The following PIP5K1B variants were observed in gnomAD, a reference collection of about 807,000 sequenced individuals.
PIP5K1B encodes the protein phosphatidylinositol-4-phosphate 5-kinase type 1 beta.
A neutral mutation model predicts 67.0 loss-of-function variants in PIP5K1B; 42 were observed. That is an observed-to-expected ratio of 0.63 (90% CI 0.49 to 0.81). The LOEUF is 0.81. Among genes scored for constraint, PIP5K1B ranks in the 30% least tolerant of loss-of-function variants. PIP5K1B has a pLI of 0.00. For missense variants in PIP5K1B, 459 were observed against 646.3 expected (o/e 0.71, Z 3.14); for synonymous variants, 214 against 231.4 (o/e 0.92, Z 0.68).
chr9:68,876,825 A>G (rs768273655), intron 6 of PIP5K1B, 31 bp downstream of exon 6: 6 of 1,069,356 alleles, frequency 5.6e-6, no homozygotes, highest in South Asian at 3.8e-5. Flanking sequence ...TTCCTTCTAT[A>G]GAAATGTGTG....
chr9:68,764,916 T>G (rs1791606528), intron 2 of PIP5K1B, among the ~76,000 whole-genome samples: 1 of 152,066 alleles, frequency 6.6e-6, no homozygotes. Flanking sequence ...ATAAAACTAA[T>G]TTTAAAATAA....
At chr9:68,919,756 C>T (rs753682626) in intron 11 of PIP5K1B, 27 bp downstream of exon 11, 11 of 1,334,256 alleles carry the variant, frequency 8.2e-6, no homozygotes, top group Middle Eastern at 2.3e-4. Context: ...CCTTATTATA[C>T]TGTATATATT....
intron 11 of PIP5K1B, 140 bp downstream of exon 11, chr9:68,919,869 T>C: frequency 1.9e-6 from 1 of 532,628 alleles, no homozygotes; most frequent in Non-Finnish European, 3.3e-6. Flanking sequence ...CTTAGGTTAG[T>C]AGATCAGTTC....
At chr9:68,904,757 CT>C (rs34367926) in intron 8 of PIP5K1B, among the ~76,000 whole-genome samples, 26 of 147,706 alleles carry the variant, frequency 1.8e-4, no homozygotes, top group East Asian at 6.0e-4. Context: ...CAGTAGTTTG[CT>C]TTTTTTTTTT....
intron 15 of PIP5K1B, among the ~76,000 whole-genome samples, chr9:69,002,378 G>A (rs1277678183): frequency 4.6e-5 from 7 of 152,052 alleles, no homozygotes; most frequent in South Asian, 2.1e-4. Flanking sequence ...GTTTCCTTTC[G>A]GCAATGCAGT....
At chr9:68,822,021 G>T (rs1205158075) in intron 3 of PIP5K1B, among the ~76,000 whole-genome samples, 2 of 152,192 alleles carry the variant, frequency 1.3e-5, no homozygotes, top group African/African-American at 4.8e-5. Flanking sequence ...ATAAAAGGTA[G>T]AAATAAATAT....
chr9:68,889,156 T>C (rs774385178), intron 7 of PIP5K1B, 23 bp downstream of exon 7: 5 of 1,563,402 alleles, frequency 3.2e-6, no homozygotes, highest in Non-Finnish European at 4.4e-6. Flanking sequence ...ACATCATTAA[T>C]GCTTCTACTT....
At chr9:68,939,124 C>T (rs1181732341) in intron 13 of PIP5K1B, among the ~76,000 whole-genome samples, 3 of 152,134 alleles carry the variant, frequency 2.0e-5, no homozygotes, top group African/African-American at 7.2e-5. Context: ...TGGGTCATTA[C>T]GGGTCATCTT....
intron 2 of PIP5K1B, among the ~76,000 whole-genome samples, chr9:68,803,595 G>C (rs1376729554): frequency 6.6e-6 from 1 of 152,230 alleles, no homozygotes; most frequent in Non-Finnish European, 1.5e-5. Context: ...AGGGCAAAGA[G>C]CAAATGCCAA....
chr9:68,820,179 G>T (rs1373049372), intron 3 of PIP5K1B, among the ~76,000 whole-genome samples: 1 of 152,172 alleles, frequency 6.6e-6, no homozygotes, highest in African/African-American at 2.4e-5. Flanking sequence ...TCTTCATTCT[G>T]TTGGCTCTGT....
chr9:68,817,527 AT>A (rs1347515450), intron 2 of PIP5K1B, among the ~76,000 whole-genome samples: 1 of 152,236 alleles, frequency 6.6e-6, no homozygotes, highest in Non-Finnish European at 1.5e-5. Flanking sequence ...TGGTATGTCC[AT>A]CTTGTGAATA....
intron 14 of PIP5K1B, among the ~76,000 whole-genome samples, chr9:68,986,036 C>T (rs1480969671): frequency 6.6e-6 from 1 of 152,152 alleles, no homozygotes; most frequent in African/African-American, 2.4e-5. Context: ...CACTTTCTGG[C>T]TACTATGAAT....
intron 8 of PIP5K1B, among the ~76,000 whole-genome samples, chr9:68,899,941 C>T (rs1825279916): frequency 6.6e-6 from 1 of 152,108 alleles, no homozygotes; most frequent in Admixed American, 6.6e-5. Context: ...CAAGTAGGCC[C>T]TTGTGTCTGT....
intron 2 of PIP5K1B, among the ~76,000 whole-genome samples, chr9:68,799,012 A>C (rs1454567064): frequency 1.3e-5 from 2 of 152,232 alleles, no homozygotes; most frequent in African/African-American, 4.8e-5. Context: ...ATGGGAATGA[A>C]GTGACATTGA....
intron 2 of PIP5K1B, among the ~76,000 whole-genome samples, chr9:68,786,660 G>C (rs1225804239): frequency 2.0e-5 from 3 of 151,576 alleles, no homozygotes; most frequent in African/African-American, 7.3e-5. Context: ...AGAAATTAAA[G>C]TGTATAGAAG....
At chr9:68,969,335 T>C (rs13300006) in intron 14 of PIP5K1B, among the ~76,000 whole-genome samples, 95,275 of 142,582 alleles carry the variant, frequency 0.67, 34,730 homozygotes, top group Non-Finnish European at 0.81. Context: ...GCCACTGCAC[T>C]CCAGCCTGGG....
In PIP5K1B at chr9:68,790,288, A is replaced by C. The variant is rs1057477404; in HGVS notation, c.-85-28173A>C. 3.3e-5 allele frequency among the ~76,000 whole-genome samples: 5 copies of C among 152,356 alleles called. No homozygotes were observed. In the South Asian group the frequency reaches 8.3e-4, roughly 25 times the overall value. On this transcript the variant is annotated intron_variant, in intron 2 of 15. Transcript: ENST00000265382. ...TCATAGAAAAATCAATTCACTGGTG[A>C]GTAAGAGGATCCGAAAAAGGAAAAC... is the stretch of plus-strand genomic sequence containing the variant.
intron 1 of PIP5K1B, among the ~76,000 whole-genome samples, chr9:68,740,951 A>T (rs1242890260): frequency 6.6e-6 from 1 of 152,228 alleles, no homozygotes; most frequent in Non-Finnish European, 1.5e-5. Flanking sequence ...GACTGGGGGA[A>T]GTTTTAGATC....
At chr9:68,857,351 G>C (rs572445835) in intron 4 of PIP5K1B, among the ~76,000 whole-genome samples, 8 of 152,290 alleles carry the variant, frequency 5.3e-5, no homozygotes, top group Admixed American at 3.3e-4. Flanking sequence ...TCTCAGAGAG[G>C]AGGAGGTTTG....
Sources: allele counts gnomAD v4.1 joint callset (sites outside exome capture counted in the v4.1 genomes callset), GRCh38; gene constraint gnomAD v4.1.1; transcripts MANE v1.5; gene names NCBI Gene and HGNC (gene_info 2026-07-23, HGNC 2026-07-21).